PTGER3: variants seen among roughly 807,000 people sequenced by gnomAD.
PTGER3 encodes the protein prostaglandin E2 receptor EP3 subtype.
In PTGER3, 22 loss-of-function variants were observed where a neutral mutation model predicts 34.7. That is an observed-to-expected ratio of 0.63 (90% CI 0.45 to 0.91). The LOEUF is 0.91. PTGER3 is among the 40% of genes least tolerant of loss of function. PTGER3 has a pLI of 0.00. For synonymous variants in PTGER3, 241 were observed against 230.1 expected (o/e 1.05, Z -0.43); for missense variants, 468 against 519.4 (o/e 0.90, Z 0.96).
At chr1:70,928,868 TAC>T (rs34765576) in intron 4 of PTGER3, among the ~76,000 whole-genome samples, 22,048 of 147,034 alleles carry the variant, frequency 0.15, 2,289 homozygotes, top group African/African-American at 0.3. Flanking sequence ...AATTTACAGA[TAC>T]ACACACACAC....
At chr1:71,030,581 G>C (rs1659321464) in intron 1 of PTGER3, among the ~76,000 whole-genome samples, 1 of 152,138 alleles carries the variant, frequency 6.6e-6, no homozygotes, top group Non-Finnish European at 1.5e-5. Flanking sequence ...AAGCCTAAAA[G>C]ACACACAGAA....
intron 1 of PTGER3, 144 bp from the exon 2 acceptor site, chr1:71,012,628 A>G (rs1179975848): frequency 1.1e-5 from 8 of 696,500 alleles, no homozygotes; most frequent in Non-Finnish European, 1.2e-5. Flanking sequence ...ATACTTGGAT[A>G]ACACAGTCCT....
chr1:71,034,295 TG>T (rs1325089172), intron 1 of PTGER3, among the ~76,000 whole-genome samples: 1 of 152,208 alleles, frequency 6.6e-6, no homozygotes. Context: ...TTTCTTTTAA[TG>T]TGTTCCTTTT....
chr1:70,953,798 G>T, intron 2 of PTGER3: 2 of 1,314,400 alleles, frequency 1.5e-6, no homozygotes, highest in Non-Finnish European at 1.0e-6. Context: ...ATCTGAAAAA[G>T]AGTAATAACA....
At chr1:70,981,383 CT>C (rs1557709122) in intron 2 of PTGER3, among the ~76,000 whole-genome samples, 440 of 78,424 alleles carry the variant, frequency 5.6e-3, no homozygotes, top group Admixed American at 7.3e-3. Context: ...TTCTTTCTTT[CT>C]TTCTTTCTTT....
chr1:70,959,351 A>C, intron 2 of PTGER3, among the ~76,000 whole-genome samples: 1 of 91,580 alleles, frequency 1.1e-5, no homozygotes, highest in Non-Finnish European at 2.0e-5. Context: ...TGTCCTCTTC[A>C]ATTTTTTTTT....
At chr1:71,009,047 T>C (rs1657217433) in intron 2 of PTGER3, 2 of 985,164 alleles carry the variant, frequency 2.0e-6, no homozygotes, top group Non-Finnish European at 2.4e-6. Context: ...CTATTAGTGA[T>C]TGCTGATGTG....
At chr1:70,918,937 C>A (rs1473883008) in intron 4 of PTGER3, among the ~76,000 whole-genome samples, 1 of 151,916 alleles carries the variant, frequency 6.6e-6, no homozygotes, top group Non-Finnish European at 1.5e-5. Flanking sequence ...CTGCAATATC[C>A]ATTTCAATGA....
At chr1:70,966,757 T>C (rs370012420), downstream of PTGER3, among the ~76,000 whole-genome samples, 291 of 152,310 alleles carry the variant, frequency 1.9e-3, 1 homozygote, top group Middle Eastern at 0.014. Flanking sequence ...GCTTCATTCA[T>C]GTCCCTGCAA....
At chr1:70,902,475 A>C (rs1646860422) in intron 4 of PTGER3, among the ~76,000 whole-genome samples, 1 of 152,258 alleles carries the variant, frequency 6.6e-6, no homozygotes, top group South Asian at 2.1e-4. Context: ...ACTCAGTTTC[A>C]TGGAGAAGCA....
At chr1:71,030,647 C>T (rs895248571) in intron 1 of PTGER3, among the ~76,000 whole-genome samples, 2 of 152,128 alleles carry the variant, frequency 1.3e-5, no homozygotes, top group Non-Finnish European at 1.5e-5. Flanking sequence ...TTGCCGGTAT[C>T]GTGGTGAATG....
At chr1:70,895,908 C>T (rs959260061) in intron 4 of PTGER3, among the ~76,000 whole-genome samples, 1 of 152,150 alleles carries the variant, frequency 6.6e-6, no homozygotes, top group African/African-American at 2.4e-5. Context: ...TCACAGATCC[C>T]TAGTGGTTGG....
chr1:71,028,487 A>G (rs1261449029), intron 1 of PTGER3, among the ~76,000 whole-genome samples: 2 of 152,186 alleles, frequency 1.3e-5, no homozygotes, highest in Non-Finnish European at 2.9e-5. Context: ...ACATTACATC[A>G]TCTCTAATAA....
intron 1 of PTGER3, among the ~76,000 whole-genome samples, chr1:71,039,666 A>G (rs909056397): frequency 3.3e-4 from 50 of 151,068 alleles, no homozygotes; most frequent in African/African-American, 8.5e-4. Flanking sequence ...AAAAAAAAAA[A>G]AAAAGAAAAA....
At chr1:70,896,788 C>T (rs1055855105) in intron 4 of PTGER3, among the ~76,000 whole-genome samples, 2 of 152,224 alleles carry the variant, frequency 1.3e-5, no homozygotes, top group South Asian at 2.1e-4. Flanking sequence ...TTTGACTAGG[C>T]GTTAGTGTTC....
chr1:70,876,346 T>C (rs1646272996), intron 4 of PTGER3, among the ~76,000 whole-genome samples: 1 of 151,662 alleles, frequency 6.6e-6, no homozygotes. Context: ...TAGACCTTTG[T>C]TAGATGTGTA....
chr1:71,034,975 T>A (rs1298437026), intron 1 of PTGER3, among the ~76,000 whole-genome samples: 1 of 152,140 alleles, frequency 6.6e-6, no homozygotes, highest in Non-Finnish European at 1.5e-5. Context: ...TGCAAGAAAT[T>A]TTAAAAAAAG....
At chr1:71,035,371 C>A (rs1263949190) in intron 1 of PTGER3, among the ~76,000 whole-genome samples, 1 of 152,174 alleles carries the variant, frequency 6.6e-6, no homozygotes, top group Non-Finnish European at 1.5e-5. Flanking sequence ...TCTACAAAAA[C>A]AGATCTGCTT....
In PTGER3 at chr1:71,041,550, A is replaced by AC. The variant is rs907154466; in HGVS notation, c.897+5130dup. ...ACTTAGGGGACAAGATATAAGAGGAACCCCCCCAAAATGAGGCTCCTTCAT... is the reference window on the plus strand; with the variant it reads ...ACTTAGGGGACAAGATATAAGAGGAACCCCCCCCAAAATGAGGCTCCTTCAT... On this transcript the variant is annotated intron_variant, in intron 1 of 3. Coordinates refer to ENST00000306666, the MANE Select transcript of PTGER3 (RefSeq NM_198719.2). 1.1e-4 allele frequency among the ~76,000 whole-genome samples: 16 copies of AC among 152,058 alleles called. No individual in the cohort carries two copies. The East Asian group carries it at 1.9e-3, about 18-fold the overall frequency.
Sources: allele counts gnomAD v4.1 joint callset (sites outside exome capture counted in the v4.1 genomes callset), GRCh38; gene constraint gnomAD v4.1.1; transcripts MANE v1.5; gene names NCBI Gene and HGNC (gene_info 2026-07-23, HGNC 2026-07-21).